The following IMMP2L variants were observed in gnomAD, a reference collection of about 807,000 sequenced individuals.
The protein encoded by IMMP2L is inner mitochondrial membrane peptidase subunit 2.
Under a neutral mutation model 19.3 loss-of-function variants are expected in IMMP2L, and 18 were observed. That is an observed-to-expected ratio of 0.93 (90% CI 0.64 to 1.38). The LOEUF (loss-of-function observed/expected upper bound fraction) is 1.38, where lower values mean the gene tolerates loss of function less well. Among genes scored for constraint, IMMP2L ranks in the 40% most tolerant of loss-of-function variants. The probability of loss-of-function intolerance (pLI) is 0.00; values close to 1 mark genes in which losing one functional copy is unlikely to be tolerated. For missense variants in IMMP2L, 233 were observed against 218.2 expected (o/e 1.07, Z -0.43); for synonymous variants, 76 against 73.0 (o/e 1.04, Z -0.21).
At chr7:111,472,198 A>T (rs1841334906) in intron 3 of IMMP2L, among the ~76,000 whole-genome samples, 1 of 152,030 alleles carries the variant, frequency 6.6e-6, no homozygotes, top group Admixed American at 6.6e-5. Context: ...GTATATATAT[A>T]CTCTGAATTT....
At chr7:111,263,460 A>G (rs1817527679) in intron 3 of IMMP2L, among the ~76,000 whole-genome samples, 2 of 152,150 alleles carry the variant, frequency 1.3e-5, no homozygotes, top group Admixed American at 1.3e-4. Flanking sequence ...GAACCATGGG[A>G]AACAGCTTAA....
intron 3 of IMMP2L, among the ~76,000 whole-genome samples, chr7:111,207,540 T>A (rs1447477193): frequency 2.8e-5 from 4 of 141,340 alleles, no homozygotes; most frequent in African/African-American, 1.0e-4. Flanking sequence ...TTTGGTTTTT[T>A]TTTTTTTTTT....
intron 4 of IMMP2L, among the ~76,000 whole-genome samples, chr7:110,929,528 T>C (rs187261873): frequency 7.6e-4 from 115 of 152,304 alleles, no homozygotes; most frequent in African/African-American, 2.6e-3. Flanking sequence ...TAGAAAGAAG[T>C]TGCTTTCTGT....
intron 4 of IMMP2L, among the ~76,000 whole-genome samples, chr7:110,956,656 ATCT>A (rs1194862653): frequency 1.3e-5 from 2 of 151,922 alleles, no homozygotes; most frequent in Non-Finnish European, 2.9e-5. Context: ...TTATATGGTC[ATCT>A]TCTTCACTAG....
At chr7:111,187,479 T>C (rs1326130735) in intron 3 of IMMP2L, among the ~76,000 whole-genome samples, 1 of 152,156 alleles carries the variant, frequency 6.6e-6, no homozygotes, top group Non-Finnish European at 1.5e-5. Flanking sequence ...ATTTCAAACA[T>C]AGTATTGTAA....
At chr7:111,561,290 C>T (rs1792013562) in intron 1 of IMMP2L, among the ~76,000 whole-genome samples, 1 of 152,130 alleles carries the variant, frequency 6.6e-6, no homozygotes, top group East Asian at 1.9e-4. Context: ...AGAAAAAGGC[C>T]CAGCCTGGTC....
intron 3 of IMMP2L, among the ~76,000 whole-genome samples, chr7:111,073,467 G>T (rs1397228394): frequency 6.6e-6 from 1 of 152,038 alleles, no homozygotes; most frequent in African/African-American, 2.4e-5. Flanking sequence ...CCCTGAGATA[G>T]TTTTTTTCAT....
chr7:111,183,661 C>A (rs1172374339), intron 3 of IMMP2L, among the ~76,000 whole-genome samples: 1 of 152,098 alleles, frequency 6.6e-6, no homozygotes, highest in Non-Finnish European at 1.5e-5. Context: ...CTAGATCACA[C>A]ATTGTTTCTC....
chr7:111,224,765 C>T (rs1586913220), intron 3 of IMMP2L, among the ~76,000 whole-genome samples: 2 of 152,106 alleles, frequency 1.3e-5, no homozygotes, highest in South Asian at 4.1e-4. Context: ...GATATGAAAG[C>T]ACTGGTGGGA....
chr7:111,378,231 T>C (rs185841135), intron 3 of IMMP2L, among the ~76,000 whole-genome samples: 1 of 152,122 alleles, frequency 6.6e-6, no homozygotes, highest in African/African-American at 2.4e-5. Flanking sequence ...GTTGAAGCCA[T>C]GAAAATTCAA....
At chr7:111,021,732 A>C (rs945510797) in intron 3 of IMMP2L, among the ~76,000 whole-genome samples, 15 of 152,122 alleles carry the variant, frequency 9.9e-5, no homozygotes, top group Admixed American at 7.8e-4. Flanking sequence ...AAAATACAAA[A>C]ATTAGCTGGG....
chr7:110,971,279 C>G (rs1009781237), intron 3 of IMMP2L, among the ~76,000 whole-genome samples: 1 of 152,114 alleles, frequency 6.6e-6, no homozygotes, highest in Non-Finnish European at 1.5e-5. Context: ...TAGAAAGCAT[C>G]TTGGTAAAAG....
In IMMP2L at chr7:111,080,324, T is replaced by C. The variant is rs541145247; in HGVS notation, c.240-116759A>G. ...TAAAATACAAACATAACCACTGTACTTGAAACAAAACAAGGGCTGTTAGAT... is the reference window on the plus strand; with the variant it reads ...TAAAATACAAACATAACCACTGTACCTGAAACAAAACAAGGGCTGTTAGAT... On this transcript the variant is annotated intron_variant, in intron 3 of 5. Coordinates refer to ENST00000405709, the MANE Select transcript of IMMP2L (RefSeq NM_032549.4). 5.3e-5 allele frequency among the ~76,000 whole-genome samples: 8 copies of C among 152,262 alleles called. No homozygotes were observed. In the South Asian group the frequency reaches 1.4e-3, roughly 28 times the overall value.
At chr7:111,433,417 G>A (rs1282657432) in intron 3 of IMMP2L, among the ~76,000 whole-genome samples, 3 of 151,776 alleles carry the variant, frequency 2.0e-5, no homozygotes, top group Admixed American at 1.3e-4. Flanking sequence ...CATCTTACAC[G>A]GATGGCAGCA....
chr7:111,475,329 G>C (rs181677190), intron 3 of IMMP2L, among the ~76,000 whole-genome samples: 1 of 152,120 alleles, frequency 6.6e-6, no homozygotes, highest in African/African-American at 2.4e-5. Context: ...TTTGGTGGGT[G>C]TCGTTTTAAG....
At chr7:110,739,560 A>G (rs2130860294) in intron 5 of IMMP2L, among the ~76,000 whole-genome samples, 1 of 152,340 alleles carries the variant, frequency 6.6e-6, no homozygotes, top group East Asian at 1.9e-4. Context: ...CCAAATTTAT[A>G]AAACAATTAC....
chr7:110,900,376 A>G (rs1265393414), intron 4 of IMMP2L, among the ~76,000 whole-genome samples: 1 of 152,190 alleles, frequency 6.6e-6, no homozygotes, highest in East Asian at 1.9e-4. Flanking sequence ...CCAGGATTCA[A>G]TTTACTTATA....
At chr7:110,933,090 G>T (rs1313527025) in intron 4 of IMMP2L, among the ~76,000 whole-genome samples, 1 of 152,180 alleles carries the variant, frequency 6.6e-6, no homozygotes, top group East Asian at 1.9e-4. Context: ...ACTTTATCAT[G>T]TACAGTTAAG....
chr7:110,833,914 C>G (rs889356807), intron 5 of IMMP2L, among the ~76,000 whole-genome samples: 2 of 152,134 alleles, frequency 1.3e-5, no homozygotes, highest in Admixed American at 1.3e-4. Flanking sequence ...ACTTACCAGC[C>G]TGATTCATGA....
Sources: allele counts gnomAD v4.1 joint callset (sites outside exome capture counted in the v4.1 genomes callset), GRCh38; gene constraint gnomAD v4.1.1; transcripts MANE v1.5; gene names NCBI Gene and HGNC (gene_info 2026-07-23, HGNC 2026-07-21).